PAPOLA: variants seen among roughly 807,000 people sequenced by gnomAD.
PAPOLA encodes polynucleotide adenylyltransferase alpha.
PAPOLA carries 15 observed loss-of-function variants against 100.6 expected under a neutral mutation model. That is an observed-to-expected ratio of 0.15 (90% confidence interval 0.10 to 0.23). The LOEUF (loss-of-function observed/expected upper bound fraction) is 0.23. PAPOLA is among the 10% of genes least tolerant of loss of function. The pLI is 1.00. For missense variants in PAPOLA, 533 were observed against 884.2 expected (o/e 0.60, Z 5.04); for synonymous variants, 293 against 300.0 (o/e 0.98, Z 0.24).
rs1203944651 is a variant in PAPOLA at position 96,525,329 on chromosome 14, T to C, written c.269T>C (p.Ile90Thr). Reference sequence around the variant, plus strand: ...CAACAGAATCTTCCACAATCTGTAATTGAAAATGTTGGAGGAAAAATTTTT... The same window carrying C: ...CAACAGAATCTTCCACAATCTGTAACTGAAAATGTTGGAGGAAAAATTTTT... Reference protein sequence around the residue: ...SESKNLPQSVIENVGGKIFTF... With the variant: ...SESKNLPQSVTENVGGKIFTF... The change falls in exon 4 of 22, where the codon ATT (isoleucine) becomes ACT (threonine). Residue 90 changes from isoleucine to threonine, a missense_variant. Coordinates refer to ENST00000216277, the MANE Select transcript of PAPOLA (RefSeq NM_032632.5). 6.6e-7 allele frequency: 1 copy of C among 1,515,480 alleles called. No individual in the cohort carries two copies. Among genetic ancestry groups the C allele is most frequent in the Non-Finnish European group, 9.1e-7 (1 of 1,099,634 alleles). The allele number at this position is 1,515,480 out of a possible 1,614,324, so 93.9% of individuals were successfully genotyped here.
In PAPOLA at chr14:96,556,251, A is replaced by G. The variant is rs1901316168; in HGVS notation, c.1842A>G (p.Arg614=). ...CACCACCAAAGCCTACGGTCTCCAG[A>G]GTTGTTTCTTCAACACGTCTGGTAA... ...ISPPPKPTVS[R]VVSSTRLVNP... Residue 614 remains arginine, a synonymous_variant, in exon 19 of 22, where the codon AGA becomes AGG. Coordinates refer to ENST00000216277, the MANE Select transcript of PAPOLA (RefSeq NM_032632.5). 1.2e-6 allele frequency: 2 copies of G among 1,614,126 alleles called. No individual in the cohort carries two copies. Among genetic ancestry groups the G allele is most frequent in the Non-Finnish European group, 1.7e-6 (2 of 1,180,024 alleles).
chr14:96,534,118 A>T, intron 9 of PAPOLA: 1 of 1,012,254 alleles, frequency 9.9e-7, no homozygotes, highest in Non-Finnish European at 1.2e-6. Flanking sequence ...TTATCACTTG[A>T]CTTTGGATGG....
chr14:96,515,427 C>A (rs905736780), intron 1 of PAPOLA, among the ~76,000 whole-genome samples: 1 of 152,038 alleles, frequency 6.6e-6, no homozygotes, highest in African/African-American at 2.4e-5. Flanking sequence ...AGGATGAAGA[C>A]TTTTAAGAAT....
intron 3 of PAPOLA, among the ~76,000 whole-genome samples, chr14:96,523,824 T>G (rs1476868260): frequency 6.6e-6 from 1 of 151,824 alleles, no homozygotes; most frequent in Non-Finnish European, 1.5e-5. Flanking sequence ...GCGCCTGTAA[T>G]CCCAGCTACT....
intron 16 of PAPOLA, among the ~76,000 whole-genome samples, chr14:96,551,112 G>A (rs987176380): frequency 2.0e-4 from 30 of 152,112 alleles, no homozygotes; most frequent in African/African-American, 6.3e-4. Context: ...TTGGCTTTGA[G>A]GTCTCTTGCT....
chr14:96,529,166 C>A (rs537350127), intron 6 of PAPOLA, among the ~76,000 whole-genome samples: 10 of 152,140 alleles, frequency 6.6e-5, no homozygotes, highest in Admixed American at 6.5e-4. Flanking sequence ...TAATCATTTT[C>A]ACATTTCAAT....
intron 9 of PAPOLA, chr14:96,533,638 T>C (rs1367486516): frequency 2.9e-5 from 16 of 547,534 alleles, no homozygotes; most frequent in Non-Finnish European, 3.2e-5. Flanking sequence ...CACTGCAAGC[T>C]CTGCCTCCTG....
At chr14:96,509,247 C>T (rs748906231) in intron 1 of PAPOLA, among the ~76,000 whole-genome samples, 11 of 152,188 alleles carry the variant, frequency 7.2e-5, no homozygotes, top group South Asian at 4.1e-4. Flanking sequence ...GCCCAGGCTG[C>T]TCTCAAACTC....
At chr14:96,548,089 G>C (rs569294132) in intron 16 of PAPOLA, among the ~76,000 whole-genome samples, 171 bp downstream of exon 16, 1 of 152,080 alleles carries the variant, frequency 6.6e-6, no homozygotes, top group South Asian at 2.1e-4. Context: ...ACTCTAATCA[G>C]TTTTCTTGCA....
At chr14:96,528,217 A>G (rs1898664948) in intron 6 of PAPOLA, among the ~76,000 whole-genome samples, 2 of 152,238 alleles carry the variant, frequency 1.3e-5, no homozygotes, top group South Asian at 4.1e-4. Flanking sequence ...TGGAGCTAAA[A>G]CAGAAGTAAT....
chr14:96,560,765 A>G, intron 20 of PAPOLA, 54 bp downstream of exon 20: 1 of 1,076,716 alleles, frequency 9.3e-7, no homozygotes, highest in South Asian at 1.4e-5. Context: ...CAGAAGATGT[A>G]ATAGAAATGT....
chr14:96,557,422 A>G (rs1350585446), intron 19 of PAPOLA, among the ~76,000 whole-genome samples: 1 of 152,208 alleles, frequency 6.6e-6, no homozygotes, highest in African/African-American at 2.4e-5. Context: ...TTAAAACTGT[A>G]CATTGATTTC....
rs1312467348 is a variant in PAPOLA, at chr14:96,566,702, T to C, written c.*1652T>C. 4 of 152,544 alleles carry C rather than the reference T, an allele frequency of 2.6e-5. No individual in the cohort carries two copies. Among genetic ancestry groups the C allele is most frequent in the Non-Finnish European group, 4.4e-5 (3 of 67,986 alleles). The allele number at this position is 152,544 out of a possible 1,614,324, so 9.4% of individuals were successfully genotyped here. ...TTTGCTTTACACAGTCACCTTGCCC[T>C]TCCTTCCACCACCGAAGAAAAAAGA... On this transcript the variant is annotated 3_prime_UTR_variant, in exon 22 of 22. Coordinates refer to ENST00000216277, the MANE Select transcript of PAPOLA (RefSeq NM_032632.5).
intron 12 of PAPOLA, 124 bp downstream of exon 12, chr14:96,537,184 A>G (rs1234347408): frequency 3.0e-6 from 2 of 658,456 alleles, no homozygotes; most frequent in Non-Finnish European, 5.5e-6. Flanking sequence ...TGTCACAAGG[A>G]CATACTGTTT....
At chr14:96,547,674 C>A in intron 15 of PAPOLA, 123 bp from the exon 16 acceptor site, 2 of 670,858 alleles carry the variant, frequency 3.0e-6, no homozygotes, top group South Asian at 2.2e-5. Context: ...AGGTCTTGAC[C>A]GATCTACAGA....
At chr14:96,520,862 G>A (rs1897903073) in intron 2 of PAPOLA, 144 bp from the exon 3 acceptor site, 1 of 572,856 alleles carries the variant, frequency 1.7e-6, no homozygotes. Context: ...GAGAGAGAGA[G>A]CGAGCGAGCG....
At chr14:96,513,213 T>A (rs1016380577) in intron 1 of PAPOLA, among the ~76,000 whole-genome samples, 4 of 151,880 alleles carry the variant, frequency 2.6e-5, no homozygotes, top group African/African-American at 9.7e-5. Flanking sequence ...ACACTACAGG[T>A]GCATGCCACT....
intron 3 of PAPOLA, among the ~76,000 whole-genome samples, chr14:96,523,958 A>AG (rs1247765839): frequency 6.6e-6 from 1 of 152,024 alleles, no homozygotes; most frequent in Non-Finnish European, 1.5e-5. Flanking sequence ...AAAAAAAAAA[A>AG]AAAATTACAC....
At chr14:96,515,813 T>A (rs1897412327) in intron 1 of PAPOLA, among the ~76,000 whole-genome samples, 1 of 152,220 alleles carries the variant, frequency 6.6e-6, no homozygotes, top group African/African-American at 2.4e-5. Context: ...TAGAAGTTTA[T>A]TTTTCAAAGT....
Sources: gnomAD v4.1 joint callset for allele counts (sites outside exome capture counted in the v4.1 genomes callset) on GRCh38, gnomAD v4.1.1 for gene constraint, MANE v1.5 for transcripts, NCBI Gene and HGNC (gene_info 2026-07-23, HGNC 2026-07-21) for gene names.